Variants in KDR observed in about 807,000 individuals in gnomAD.
The protein encoded by KDR is kinase insert domain receptor.
A neutral mutation model predicts 160.9 loss-of-function variants in KDR; 43 were observed. The ratio of observed to expected loss-of-function variants is 0.27; its 90% CI spans 0.21 to 0.34. The LOEUF is 0.34. Ranked by LOEUF, KDR falls within the 10% of genes least tolerant of loss-of-function variation. The probability of loss-of-function intolerance (pLI) is 1.00; values close to 1 mark genes in which losing one functional copy is unlikely to be tolerated. For missense variants in KDR, 1,469 were observed against 1,666.4 expected (o/e 0.88, Z 2.06); for synonymous variants, 617 against 600.1 (o/e 1.03, Z -0.41).
rs370500507 is a variant in KDR at position 55,105,057 on chromosome 4, A to G, written c.1646-73T>C. On this transcript the variant is annotated intron_variant, in intron 12 of 29. Coordinates refer to ENST00000263923, the MANE Select transcript of KDR (RefSeq NM_002253.4). ...AGCTCACTATCATCTTGCTGCTTTC[A>G]GACTACTACAAAGTACCAAAAGAAA... The G allele has an allele frequency of 9.8e-5, 121 of 1,240,048 alleles. No individual in the cohort carries two copies. In the East Asian group the frequency reaches 1.4e-3, roughly 14 times the overall value. The allele number at this position is 1,240,048 out of a possible 1,614,324, so 76.8% of individuals were successfully genotyped here. A position where few individuals can be genotyped will look rare whatever the true frequency, so the allele number is the denominator to read the frequency against.
At chr4:55,125,158 T>A in intron 1 of KDR, 69 bp downstream of exon 1, 1 of 1,389,018 alleles carries the variant, frequency 7.2e-7, no homozygotes, top group Non-Finnish European at 1.0e-6. Context: ...CCGAGTTAGA[T>A]CTGGCTTTCA....
In KDR at chr4:55,115,371, A is replaced by C. The variant is rs1314381271; in HGVS notation, c.399T>G (p.His133Gln). Residue 133 changes from histidine (H) to glutamine (Q), a missense_variant, in exon 4 of 30, where the codon CAT (histidine) becomes CAG (glutamine). Around this residue, in one of 7 missense-constraint regions of KDR, gnomAD observed 792 missense variants for 840.9 expected, o/e 0.94. Coordinates refer to ENST00000263923, the MANE Select transcript of KDR (RefSeq NM_002253.4). Reference sequence around the variant, plus strand: ...TGTTCTCAGTAATGTACACGACTCCATGTTGGTCACTAACAGAAGCAATAA... The same window carrying C: ...TGTTCTCAGTAATGTACACGACTCCCTGTTGGTCACTAACAGAAGCAATAA... The part of the protein sequence containing the change: ...SPFIASVSDQ[H>Q]GVVYITENKN... 1.9e-6 allele frequency: 3 copies of C among 1,553,410 alleles called. No individual in the cohort carries two copies. The highest frequency in any genetic ancestry group is 1.1e-5 in the South Asian group (1 of 89,928).
In KDR at chr4:55,080,095, T is replaced by G; in HGVS notation, c.3917A>C (p.Gln1306Pro). ...TGTGTCATCGGAGTGATATCCGGAC[T>G]GGTAGCCGCTTGTCTGGTTTGAGCC... The part of the protein sequence containing the change: ...SEGSNQTSGY[Q>P]SGYHSDDTDT... Residue 1306 changes from glutamine to proline, a missense_variant, in exon 30 of 30, where the codon CAG becomes CCG. This residue lies in a region of KDR where 229 missense variants were observed against 197.8 expected (regional missense o/e 1.16). Transcript: ENST00000263923. 6.2e-7 allele frequency: 1 copy of G among 1,614,128 alleles called. No individual in the cohort carries two copies. Among genetic ancestry groups the G allele is most frequent in the Non-Finnish European group, 8.5e-7 (1 of 1,180,034 alleles).
intron 15 of KDR, among the ~76,000 whole-genome samples, chr4:55,101,011 T>A (rs6815929): frequency 0.3 from 46,142 of 152,086 alleles, 7,781 homozygotes; most frequent in Admixed American, 0.46. Flanking sequence ...CATACACACG[T>A]ATTGAGATAA....
chr4:55,079,529 C>A lies in KDR; in HGVS notation c.*412G>T. The A allele has an allele frequency of 2.7e-6, 1 of 365,868 alleles. No individual in the cohort carries two copies. The allele number at this position is 365,868 out of a possible 1,614,324, so 22.7% of individuals were successfully genotyped here. Reference sequence around the variant, plus strand: ...CTTGGATAGACTCAGCCCTGCAAATCCTTCCCATCTTCAACACCTCGAACA... The same window carrying A: ...CTTGGATAGACTCAGCCCTGCAAATACTTCCCATCTTCAACACCTCGAACA... On this transcript the variant is annotated 3_prime_UTR_variant, in exon 30 of 30. Transcript: ENST00000263923.
At chr4:55,095,124 A>T (rs1720119079) in intron 20 of KDR, among the ~76,000 whole-genome samples, 169 bp from the exon 21 acceptor site, 1 of 152,328 alleles carries the variant, frequency 6.6e-6, no homozygotes, top group Admixed American at 6.5e-5. Context: ...AACTTGGGGC[A>T]AGTTTTGTGC....
In KDR at chr4:55,107,344, C is replaced by G. The variant is rs139652678; in HGVS notation, c.1412+393G>C. On this transcript the variant is annotated intron_variant, in intron 10 of 29. Transcript: ENST00000263923. ...GAGACCCTGAGGACTGGGGCTGGGT[C>G]TATCACTGCCTCTCATCTATCAGCA... Among the ~76,000 whole-genome samples, 1,264 of 152,254 alleles carry G rather than the reference C, an allele frequency of 8.3e-3. 9 individuals are homozygous for G. Among genetic ancestry groups the G allele is most frequent in the Non-Finnish European group, 0.015 (1,006 of 68,010 alleles).
chr4:55,107,444 G>A (rs1326495608), intron 10 of KDR, among the ~76,000 whole-genome samples: 1 of 152,138 alleles, frequency 6.6e-6, no homozygotes, highest in African/African-American at 2.4e-5. Flanking sequence ...GGTATCGGGA[G>A]AAAAACCAAA....
Position 55,106,847 on chromosome 4 carries a change from AT to A in KDR, c.1413-38del, listed in dbSNP as rs1272620182. ...AGATAACAGCGCATATTATGATTTA[AT>A]TTTTCTTTAATTAGAGTCAAGAGTA... On this transcript the variant is annotated intron_variant, in intron 10 of 29. Coordinates refer to ENST00000263923, the MANE Select transcript of KDR (RefSeq NM_002253.4). 7 of 1,575,370 alleles carry A rather than the reference AT, an allele frequency of 4.4e-6. No homozygotes were observed. The African/African-American group carries it at 9.4e-5, about 21-fold the overall frequency.
intron 22 of KDR, 102 bp from the exon 23 acceptor site, chr4:55,090,180 A>G: frequency 2.2e-6 from 3 of 1,340,698 alleles, no homozygotes; most frequent in South Asian, 2.4e-5. Flanking sequence ...TCAGAAAGCC[A>G]ACTGATTAAC....
rs1456500122 is a variant in KDR at position 55,105,894 on chromosome 4, T to C, written c.1583A>G (p.Tyr528Cys). The change falls in exon 12 of 30, where the codon TAC (tyrosine) becomes TGC (cysteine). Residue 528 changes from tyrosine (Y) to cysteine (C), a missense_variant. This residue lies in a region of KDR where 792 missense variants were observed against 840.9 expected (regional missense o/e 0.94). Transcript: ENST00000263923. ...VIQAANVSALYKCEAVNKVGR... is the reference protein window; with the variant it reads ...VIQAANVSALCKCEAVNKVGR... Reference sequence around the variant, plus strand: ...GACTTTGTTGACCGCTTCACATTTGTACAAAGCTGACACATTTGCCGCTTG... The same window carrying C: ...GACTTTGTTGACCGCTTCACATTTGCACAAAGCTGACACATTTGCCGCTTG... 2 of 1,613,544 alleles carry C rather than the reference T, an allele frequency of 1.2e-6. No homozygotes were observed. The highest frequency in any genetic ancestry group is 1.7e-6 in the Non-Finnish European group (2 of 1,179,674).
intron 22 of KDR, chr4:55,092,369 C>CA (rs1368290700): frequency 2.0e-6 from 1 of 496,270 alleles, no homozygotes; most frequent in African/African-American, 1.9e-5. Flanking sequence ...ACAGTATCCT[C>CA]AGTGCTCAGA....
chr4:55,104,906 C>A lies in KDR; in HGVS notation c.1724G>T (p.Arg575Ile), dbSNP rs754856383. 3 of 1,614,022 alleles carry A rather than the reference C, an allele frequency of 1.9e-6. No individual in the cohort carries two copies. The South Asian group carries it at 3.3e-5, about 18-fold the overall frequency. The change falls in exon 13 of 30, where the codon AGA (arginine) becomes ATA (isoleucine). Residue 575 changes from arginine to isoleucine, a missense_variant. Arg to Ile is a moderately conservative substitution (Grantham distance 97). This residue lies in a region of KDR where 792 missense variants were observed against 840.9 expected (regional missense o/e 0.94). Transcript: ENST00000263923. ...ESVSLWCTAD[R>I]STFENLTWYK... ...CCATGTGAGGTTCTCAAACGTAGAT[C>A]TGTCTGCAGTGCACCACAAAGACAC... is the stretch of plus-strand genomic sequence containing the variant.
At chr4:55,106,647 A>AAG (rs771411932) in intron 11 of KDR, 40 bp downstream of exon 11, 13 of 1,391,358 alleles carry the variant, frequency 9.3e-6, no homozygotes, top group East Asian at 4.6e-5. Context: ...CCTTCCATTA[A>AAG]AGAGAGAGAG....
chr4:55,084,964 C>T (rs139837555), intron 27 of KDR, among the ~76,000 whole-genome samples: 15 of 152,304 alleles, frequency 9.8e-5, no homozygotes, highest in Non-Finnish European at 1.8e-4. Flanking sequence ...ACCTAGCTAG[C>T]AGGCTGCCCC....
At chr4:55,113,177 C>G in intron 7 of KDR, 127 bp downstream of exon 7, 2 of 1,008,382 alleles carry the variant, frequency 2.0e-6, no homozygotes, top group Non-Finnish European at 3.1e-6. Context: ...GGTCATGTGG[C>G]CTCCCTAACA....
At chr4:55,108,836 A>G (rs73816213) in intron 9 of KDR, among the ~76,000 whole-genome samples, 2,637 of 151,736 alleles carry the variant, frequency 0.017, 81 homozygotes, top group African/African-American at 0.06. Context: ...ATTACTGTCA[A>G]CCTAAAGCCT....
rs770009278 is a variant in KDR, at chr4:55,095,590, A to C, written c.2804T>G (p.Phe935Cys). The C allele has an allele frequency of 3.7e-6, 6 of 1,611,842 alleles. No individual in the cohort carries two copies. In the South Asian group the frequency reaches 5.5e-5, roughly 15 times the overall value. ...STYLRSKRNE[F>C]VPYKTKGARF... The stretch of plus-strand genomic sequence containing the variant: ...GAGATGACATACCTTGTAGGGGACA[A>C]ATTCATTTCTCTTGCTCCTCAGGTA... The change falls in exon 20 of 30, where the codon TTT becomes TGT. Residue 935 changes from phenylalanine (F) to cysteine (C), a missense_variant. Physicochemically the swap from Phe to Cys is radical, Grantham distance 205 (BLOSUM62 -2). Around this residue, in one of 7 missense-constraint regions of KDR, gnomAD observed 151 missense variants for 207.2 expected, o/e 0.73. Coordinates refer to ENST00000263923, the MANE Select transcript of KDR (RefSeq NM_002253.4).
At chr4:55,094,419 A>G (rs1412301554) in intron 21 of KDR, among the ~76,000 whole-genome samples, 1 of 152,152 alleles carries the variant, frequency 6.6e-6, no homozygotes, top group Admixed American at 6.5e-5. Flanking sequence ...TGCACAGGTA[A>G]AGCATGCAAC....
Sources: gnomAD v4.1 joint callset for allele counts (sites outside exome capture counted in the v4.1 genomes callset) on GRCh38, gnomAD v4.1.1 for gene constraint, gnomAD v4.1.1 regional missense constraint, MANE v1.5 for transcripts, NCBI Gene and HGNC (gene_info 2026-07-23, HGNC 2026-07-21) for gene names.